SPRY4: variants seen among roughly 807,000 people sequenced by gnomAD.
SPRY4 encodes the protein protein sprouty homolog 4.
In SPRY4, 7 loss-of-function variants were observed where a neutral mutation model predicts 17.0. The ratio of observed to expected loss-of-function variants is 0.41; its 90% CI spans 0.23 to 0.77. The LOEUF (loss-of-function observed/expected upper bound fraction) is 0.77. Among genes scored for constraint, SPRY4 ranks in the 30% least tolerant of loss-of-function variants. SPRY4 has a pLI of 0.32. For synonymous variants in SPRY4, 183 were observed against 174.1 expected (o/e 1.05, Z -0.40); for missense variants, 435 against 419.9 (o/e 1.04, Z -0.31).
At position 142,314,107 on chromosome 5, in the gene SPRY4, T is replaced by A. The variant is rs1054439694; in HGVS notation, c.*102A>T. ...GTAGGGAGTGGGCAGACTAGCAAGG[T>A]CAGCCTCAGGAGGCTAAAACCTCTG... is the stretch of plus-strand genomic sequence containing the variant. On this transcript the variant is annotated 3_prime_UTR_variant, in exon 2 of 2. Coordinates refer to ENST00000434127, the MANE Select transcript of SPRY4 (RefSeq NM_001127496.3). The surrounding 1 kb of genome is among the most constrained non-coding windows in gnomAD (Gnocchi z 4.8). 7 of 1,301,370 alleles carry A rather than the reference T, an allele frequency of 5.4e-6. No homozygotes were observed. The highest frequency in any genetic ancestry group is 4.2e-6 in the Non-Finnish European group (4 of 963,804). The allele number at this position is 1,301,370 out of a possible 1,614,324, so 80.6% of individuals were successfully genotyped here. A position where few individuals can be genotyped will look rare whatever the true frequency, so the allele number is the denominator to read the frequency against.
chr5:142,312,520 T>TAC lies in SPRY4; in HGVS notation c.*1687_*1688dup, dbSNP rs574637785. 1.3e-5 allele frequency: 2 copies of TAC among 152,316 alleles called. No individual in the cohort carries two copies. The highest frequency in any genetic ancestry group is 2.1e-4 in the South Asian group (1 of 4,830). The allele number at this position is 152,316 out of a possible 1,614,324, so 9.4% of individuals were successfully genotyped here. A position where few individuals can be genotyped will look rare whatever the true frequency, so the allele number is the denominator to read the frequency against. ...GCATTAGGTGCCTATCATAGCTACC[T>TAC]ACCTCGCTGCCTCCTTCCCGGAGGC... On this transcript the variant is annotated 3_prime_UTR_variant, in exon 2 of 2. Coordinates refer to ENST00000434127, the MANE Select transcript of SPRY4 (RefSeq NM_001127496.3).
chr5:142,319,287 G>C (rs1759264989), intron 1 of SPRY4, among the ~76,000 whole-genome samples: 1 of 152,224 alleles, frequency 6.6e-6, no homozygotes, highest in East Asian at 1.9e-4. Flanking sequence ...CTGAACCCCA[G>C]GGAGGGGAAT....
chr5:142,321,071 T>G (rs554308490), intron 1 of SPRY4, among the ~76,000 whole-genome samples: 2 of 152,332 alleles, frequency 1.3e-5, no homozygotes, highest in Non-Finnish European at 2.9e-5. Context: ...CCCAGCCACA[T>G]GTCCCGGATA....
chr5:142,315,819 A>C (rs1759131086), intron 1 of SPRY4: 1 of 152,284 alleles, frequency 6.6e-6, no homozygotes, highest in South Asian at 2.1e-4. Context: ...CCAGGGAATA[A>C]GTTTAGATCT....
chr5:142,316,497 A>C (rs578253432), intron 1 of SPRY4, among the ~76,000 whole-genome samples: 5 of 152,298 alleles, frequency 3.3e-5, no homozygotes, highest in African/African-American at 7.2e-5. Flanking sequence ...ATTCCACCCC[A>C]ATCTTAAGAA....
At chr5:142,322,868 T>C (rs1015590907) in intron 1 of SPRY4, among the ~76,000 whole-genome samples, 11 of 152,230 alleles carry the variant, frequency 7.2e-5, no homozygotes, top group Non-Finnish European at 1.6e-4. Flanking sequence ...TAGGATTTGC[T>C]GGAGCCTCGC....
intron 1 of SPRY4, chr5:142,324,158 T>C (rs1284127845): frequency 6.6e-6 from 1 of 152,222 alleles, no homozygotes; most frequent in Non-Finnish European, 1.5e-5. Flanking sequence ...AAAAGTCAAC[T>C]GCAAGGCAGT....
At chr5:142,319,885 A>C in intron 1 of SPRY4, 3 of 1,235,752 alleles carry the variant, frequency 2.4e-6, no homozygotes, top group Non-Finnish European at 2.2e-6. Context: ...GACTTACCCT[A>C]GGGAGGTGAG....
At position 142,323,428 on chromosome 5, in the gene SPRY4, CTTCT is replaced by C. The variant is rs1375822534; in HGVS notation, c.-48+1412_-48+1415del. ...AGGTTTGGGCACCCCACTGTACACT[CTTCT>C]TTCCAGCACTAACCGCGCTGGGGGG... On this transcript the variant is annotated intron_variant, in intron 1 of 1. Transcript: ENST00000434127. Among the ~76,000 whole-genome samples, 8 of 152,358 alleles carry C rather than the reference CTTCT, an allele frequency of 5.3e-5. No individual in the cohort carries two copies. The East Asian group carries it at 1.5e-3, about 29-fold the overall frequency.
intron 1 of SPRY4, 99 bp from the exon 2 acceptor site, chr5:142,315,254 C>T (rs1430309468): frequency 1.4e-6 from 1 of 728,744 alleles, no homozygotes; most frequent in Admixed American, 2.9e-5. Context: ...GGGAGCCGCC[C>T]AATTGACATA....
intron 1 of SPRY4, among the ~76,000 whole-genome samples, chr5:142,322,485 T>A (rs28736278): frequency 0.52 from 57,641 of 111,296 alleles, 12,237 homozygotes; most frequent in South Asian, 0.54. Flanking sequence ...AAAAAAAAAA[T>A]ATATATATAT....
At chr5:142,317,021 A>G in intron 1 of SPRY4, 1 of 985,458 alleles carries the variant, frequency 1.0e-6, no homozygotes, top group Non-Finnish European at 1.2e-6. Context: ...AAACCATAGC[A>G]TCACCTTTGA....
chr5:142,314,390 G>C lies in SPRY4; in HGVS notation c.719C>G (p.Ala240Gly). 6.2e-7 allele frequency: 1 copy of C among 1,614,014 alleles called. No individual in the cohort carries two copies. The highest frequency in any genetic ancestry group is 8.5e-7 in the Non-Finnish European group (1 of 1,179,936). Reference protein sequence around the residue: ...NCCARWSFMGALSVVLPCLLC... With the variant: ...NCCARWSFMGGLSVVLPCLLC... ...CAGGCAGGGCAGCACCACGGAGAGA[G>C]CACCCATGAAGGACCAGCGGGCGCA... Residue 240 changes from alanine to glycine, a missense_variant, in exon 2 of 2, where the codon GCT becomes GGT. Ala to Gly is a moderately conservative substitution (Grantham distance 60). Coordinates refer to ENST00000434127, the MANE Select transcript of SPRY4 (RefSeq NM_001127496.3). This position sits in a 1 kb window ranked among gnomAD's most constrained non-coding sequence, Gnocchi z 4.8.
At position 142,314,234 on chromosome 5, in the gene SPRY4, G is replaced by A; in HGVS notation, c.875C>T (p.Thr292Ile). 6.2e-7 allele frequency: 1 copy of A among 1,610,878 alleles called. No homozygotes were observed. The highest frequency in any genetic ancestry group is 8.5e-7 in the Non-Finnish European group (1 of 1,178,998). ...TCAGAAAGGCTTGTCGGGCCTGCTGGTCTTGGCATCCCCGCTGGCTGCTTT... is the reference window on the plus strand; with the variant it reads ...TCAGAAAGGCTTGTCGGGCCTGCTGATCTTGGCATCCCCGCTGGCTGCTTT... ...ICKAASGDAK[T>I]SRPDKPF The change falls in exon 2 of 2, where the codon ACC (threonine) becomes ATC (isoleucine). Residue 292 changes from threonine (T) to isoleucine (I), a missense_variant. By Grantham distance (89) the Thr-to-Ile change is moderately conservative. Coordinates refer to ENST00000434127, the MANE Select transcript of SPRY4 (RefSeq NM_001127496.3). The surrounding 1 kb of genome is among the most constrained non-coding windows in gnomAD (Gnocchi z 4.8).
rs1433928913 is a variant in SPRY4, at chr5:142,314,356, G to A, written c.753C>T (p.Tyr251=). Residue 251 remains tyrosine (Y), a synonymous_variant, in exon 2 of 2, where the codon TAC becomes TAT. Transcript: ENST00000434127. The surrounding 1 kb of genome is among the most constrained non-coding windows in gnomAD (Gnocchi z 4.8). ...GCTTCACGCAGCCGGTGGCAGGCAG[G>A]TAGCAGAGCAGGCAGGGCAGCACCA... The part of the protein sequence containing the change: ...LSVVLPCLLC[Y]LPATGCVKLA... 5.0e-6 allele frequency: 8 copies of A among 1,614,070 alleles called. No homozygotes were observed. Among genetic ancestry groups the A allele is most frequent in the Non-Finnish European group, 6.8e-6 (8 of 1,179,998 alleles).
Position 142,321,428 on chromosome 5 carries a change from A to G in SPRY4, c.-48+3416T>C, listed in dbSNP as rs377239823. On this transcript the variant is annotated intron_variant, in intron 1 of 1. Transcript: ENST00000434127. ...TGGAAGGGACAATACAGCTTTCTGA[A>G]AGTTGTTCACCTACCCCTGGCTCTT... Among the ~76,000 whole-genome samples the G allele has an allele frequency of 2.6e-4, 40 of 152,320 alleles. No homozygotes were observed. In the South Asian group the frequency reaches 8.1e-3, roughly 31 times the overall value.
intron 1 of SPRY4, chr5:142,317,921 C>T (rs1759212721): frequency 1.4e-5 from 14 of 985,184 alleles, no homozygotes; most frequent in African/African-American, 3.5e-5. Flanking sequence ...TCTCTGGGGA[C>T]GATGCAGCAT....
At position 142,314,852 on chromosome 5, in the gene SPRY4, G is replaced by A. The variant is rs1759086076; in HGVS notation, c.257C>T (p.Thr86Ile). The A allele has an allele frequency of 1.3e-6, 2 of 1,590,278 alleles. No homozygotes were observed. Among genetic ancestry groups the A allele is most frequent in the Admixed American group, 1.7e-5 (1 of 58,516 alleles). Residue 86 changes from threonine (T) to isoleucine (I), a missense_variant, in exon 2 of 2, where the codon ACC (threonine) becomes ATC (isoleucine). Transcript: ENST00000434127. The surrounding 1 kb of genome is among the most constrained non-coding windows in gnomAD (Gnocchi z 4.8). ...PTPARCDQDV[T>I]HHWISFSGRP... The stretch of plus-strand genomic sequence containing the variant: ...CCCGCTGAAGGAGATCCAATGGTGG[G>A]TGACATCCTGGTCACAGCGGGCGGG...
chr5:142,316,880 C>T (rs529087741), intron 1 of SPRY4, among the ~76,000 whole-genome samples: 2 of 152,244 alleles, frequency 1.3e-5, no homozygotes, highest in African/African-American at 2.4e-5. Flanking sequence ...CGCAGGGCAT[C>T]AACTATTGGC....
Sources: gnomAD v4.1 joint callset for allele counts (sites outside exome capture counted in the v4.1 genomes callset) on GRCh38, gnomAD v4.1.1 for gene constraint, Gnocchi (gnomAD v3.1) non-coding constraint, MANE v1.5 for transcripts, NCBI Gene and HGNC (gene_info 2026-07-23, HGNC 2026-07-21) for gene names.